TMEM50A: variants seen among roughly 807,000 people sequenced by gnomAD.
TMEM50A encodes cervical cancer oncogene 9.
Under a neutral mutation model 23.9 loss-of-function variants are expected in TMEM50A, and 8 were observed. The observed-to-expected ratio is 0.33, with a 90% CI of 0.20 to 0.60. The LOEUF is 0.60. Ranked by LOEUF, TMEM50A falls within the 20% of genes least tolerant of loss-of-function variation. The pLI is 0.81. For synonymous variants in TMEM50A, 55 were observed against 60.4 expected (o/e 0.91, Z 0.41); for missense variants, 178 against 192.7 (o/e 0.92, Z 0.45).
intron 3 of TMEM50A, among the ~76,000 whole-genome samples, chr1:25,349,030 C>T (rs968234189): frequency 1.3e-5 from 2 of 152,086 alleles, no homozygotes; most frequent in Non-Finnish European, 2.9e-5. Flanking sequence ...GGGATCCATG[C>T]AGCGGAGCGT....
chr1:25,347,890 CT>C, intron 3 of TMEM50A, among the ~76,000 whole-genome samples: 1 of 152,148 alleles, frequency 6.6e-6, no homozygotes, highest in Admixed American at 6.5e-5. Context: ...TGTTAGAATT[CT>C]TTTAGAAAGC....
chr1:25,338,774 C>G (rs1420590036), intron 1 of TMEM50A: 1 of 152,200 alleles, frequency 6.6e-6, no homozygotes, highest in South Asian at 2.1e-4. Flanking sequence ...GAGAAAGGAG[C>G]GTGACCCGGC....
rs1441314377 is a variant in TMEM50A at position 25,360,914 on chromosome 1, G to C, written c.*209G>C. On this transcript the variant is annotated 3_prime_UTR_variant, in exon 7 of 7. Coordinates refer to ENST00000374358, the MANE Select transcript of TMEM50A (RefSeq NM_014313.4). ...CACTTGATTAACTTATAAAATGTTA[G>C]AGGAAACTTTCACATGAATAATTTT... 2.4e-5 allele frequency: 10 copies of C among 412,536 alleles called. No individual in the cohort carries two copies. Among genetic ancestry groups the C allele is most frequent in the Non-Finnish European group, 3.4e-5 (8 of 233,240 alleles). 25.6% of individuals were successfully genotyped at this position (412,536 alleles called of 1,614,324 possible). A position where few individuals can be genotyped will look rare whatever the true frequency, so the allele number is the denominator to read the frequency against.
intron 5 of TMEM50A, among the ~76,000 whole-genome samples, chr1:25,353,577 T>C (rs1188740580): frequency 6.6e-6 from 1 of 152,230 alleles, no homozygotes; most frequent in Non-Finnish European, 1.5e-5. Flanking sequence ...CATCCCAGAA[T>C]TGAGATTTAT....
Position 25,356,519 on chromosome 1 carries a change from A to G in TMEM50A, c.368-274A>G, listed in dbSNP as rs531458898. On this transcript the variant is annotated intron_variant, in intron 5 of 6. Transcript: ENST00000374358. ...CTCTAGTTCCATGAGGGCAAAAAAAATTTTACCTGTTTTGTTTATTGCAGT... is the reference window on the plus strand; with the variant it reads ...CTCTAGTTCCATGAGGGCAAAAAAAGTTTTACCTGTTTTGTTTATTGCAGT... Among the ~76,000 whole-genome samples the G allele has an allele frequency of 2.0e-5, 3 of 152,112 alleles. No homozygotes were observed. In the South Asian group the frequency reaches 6.2e-4, roughly 32 times the overall value.
chr1:25,343,805 C>T (rs1645188139), intron 3 of TMEM50A, among the ~76,000 whole-genome samples: 1 of 152,102 alleles, frequency 6.6e-6, no homozygotes, highest in Admixed American at 6.5e-5. Context: ...GAGGTTCATT[C>T]CAGGCAGGTG....
intron 5 of TMEM50A, among the ~76,000 whole-genome samples, chr1:25,354,867 G>A (rs1263282300): frequency 6.6e-6 from 1 of 151,738 alleles, no homozygotes; most frequent in Non-Finnish European, 1.5e-5. Context: ...CGTCTCCCAG[G>A]TTCAAGCAAT....
rs1308282289 is a variant in TMEM50A, at chr1:25,342,945, A to G, written c.94-16A>G. ...AGAATTGCTATGATTTCTCATTGGT[A>G]TCACCTTTGTTTTAGTTTTTTACAG... is the stretch of plus-strand genomic sequence containing the variant. On this transcript the variant is annotated splice_polypyrimidine_tract_variant and intron_variant, in intron 2 of 6. Transcript: ENST00000374358. 1.2e-6 allele frequency: 2 copies of G among 1,602,366 alleles called. No individual in the cohort carries two copies. The highest frequency in any genetic ancestry group is 1.7e-6 in the Non-Finnish European group (2 of 1,172,404).
At chr1:25,355,451 T>G (rs1230744552) in intron 5 of TMEM50A, among the ~76,000 whole-genome samples, 1 of 152,252 alleles carries the variant, frequency 6.6e-6, no homozygotes, top group Non-Finnish European at 1.5e-5. Flanking sequence ...GATACAACTA[T>G]TAATACAGGG....
chr1:25,360,609 C>A, intron 6 of TMEM50A, 51 bp from the exon 7 acceptor site: 1 of 1,596,324 alleles, frequency 6.3e-7, no homozygotes, highest in Non-Finnish European at 8.6e-7. Context: ...ATCTCACATA[C>A]TCTTTTCTCA....
At chr1:25,345,183 G>A (rs991609114) in intron 3 of TMEM50A, among the ~76,000 whole-genome samples, 9 of 146,564 alleles carry the variant, frequency 6.1e-5, no homozygotes, top group Admixed American at 7.1e-5. Flanking sequence ...GGTGGCTCAC[G>A]CCTGTAATCC....
intron 3 of TMEM50A, among the ~76,000 whole-genome samples, chr1:25,345,911 C>T (rs1433247839): frequency 6.6e-6 from 1 of 151,754 alleles, no homozygotes; most frequent in African/African-American, 2.4e-5. Context: ...CATCAGCCTC[C>T]CCAAGTAGCT....
At chr1:25,341,407 C>T (rs1249435814) in intron 2 of TMEM50A, among the ~76,000 whole-genome samples, 3 of 152,074 alleles carry the variant, frequency 2.0e-5, no homozygotes, top group African/African-American at 4.8e-5. Context: ...TACAGGCGCC[C>T]GCCACTGCGC....
intron 2 of TMEM50A, among the ~76,000 whole-genome samples, chr1:25,341,014 G>C (rs1281150565): frequency 6.6e-6 from 1 of 152,078 alleles, no homozygotes; most frequent in Non-Finnish European, 1.5e-5. Context: ...GAATAATACA[G>C]AGAAGATTAG....
intron 5 of TMEM50A, among the ~76,000 whole-genome samples, chr1:25,354,181 G>C (rs1487736386): frequency 6.6e-6 from 1 of 151,878 alleles, no homozygotes; most frequent in Non-Finnish European, 1.5e-5. Context: ...GTAGAGATGG[G>C]GCTTCACCAT....
At chr1:25,342,910 A>G in intron 2 of TMEM50A, 51 bp from the exon 3 acceptor site, 1 of 1,481,190 alleles carries the variant, frequency 6.8e-7, no homozygotes, top group Non-Finnish European at 9.3e-7. Context: ...GCTTTTAGCC[A>G]GTGAGATACA....
At position 25,362,281 on chromosome 1, in the gene TMEM50A, G is replaced by C; in HGVS notation, c.*1576G>C. 1 of 842,552 alleles carries C rather than the reference G, an allele frequency of 1.2e-6. No individual in the cohort carries two copies. The highest frequency in any genetic ancestry group is 1.8e-5 in the South Asian group (1 of 54,776). 52.2% of individuals were successfully genotyped at this position (842,552 alleles called of 1,614,324 possible). ...AACCCAAAACTTTAATAATGTGTCT[G>C]TAACCAAGAAAATATTGATAGCATC... On this transcript the variant is annotated 3_prime_UTR_variant, in exon 7 of 7. Coordinates refer to ENST00000374358, the MANE Select transcript of TMEM50A (RefSeq NM_014313.4).
chr1:25,340,159 C>T (rs1050019489), intron 1 of TMEM50A, among the ~76,000 whole-genome samples: 1 of 152,130 alleles, frequency 6.6e-6, no homozygotes, highest in Non-Finnish European at 1.5e-5. Context: ...TGGTCTCAAA[C>T]TCCTGACCTC....
chr1:25,355,809 GA>G (rs1645327272), intron 5 of TMEM50A, among the ~76,000 whole-genome samples: 1 of 152,072 alleles, frequency 6.6e-6, no homozygotes, highest in South Asian at 2.1e-4. Context: ...GATACAATCA[GA>G]AAAAAATGTT....
Sources: gnomAD v4.1 joint callset for allele counts (sites outside exome capture counted in the v4.1 genomes callset) on GRCh38, gnomAD v4.1.1 for gene constraint, MANE v1.5 for transcripts, NCBI Gene and HGNC (gene_info 2026-07-23, HGNC 2026-07-21) for gene names.